FANCA: variants seen among roughly 807,000 people sequenced by gnomAD.
The protein encoded by FANCA is Fanconi anemia group A protein.
A neutral mutation model predicts 194.3 loss-of-function variants in FANCA; 236 were observed. That is an observed-to-expected ratio of 1.21 (90% CI 1.09 to 1.35). The LOEUF (loss-of-function observed/expected upper bound fraction) is 1.35. Ranked by LOEUF, FANCA falls within the 40% of genes most tolerant of loss-of-function variation. FANCA has a pLI of 0.00. For missense variants in FANCA, 2,628 were observed against 1,813.9 expected (o/e 1.45, Z -8.15); for synonymous variants, 1,014 against 715.8 (o/e 1.42, Z -6.65).
rs746911316 is a variant in FANCA at position 89,784,968 on chromosome 16, T to G, written c.1360-4A>C. On this transcript the variant is annotated splice_region_variant and splice_polypyrimidine_tract_variant and intron_variant, in intron 14 of 42. Coordinates refer to ENST00000389301, the MANE Select transcript of FANCA (RefSeq NM_000135.4). Reference sequence around the variant, plus strand: ...CTCGTGTGCTCCCAAAGGAGGCCTGTGTGGAGAGAAGAGCGTGAAGCCCAG... The same window carrying G: ...CTCGTGTGCTCCCAAAGGAGGCCTGGGTGGAGAGAAGAGCGTGAAGCCCAG... The G allele has an allele frequency of 1.2e-6, 2 of 1,609,198 alleles. No individual in the cohort carries two copies.
At chr16:89,785,853 G>GTTTGT (rs1555557052) in intron 14 of FANCA, among the ~76,000 whole-genome samples, 13 of 113,166 alleles carry the variant, frequency 1.1e-4, no homozygotes, top group Non-Finnish European at 1.9e-4. Context: ...GCAAAATTGT[G>GTTTGT]TTTTGTTTTT....
chr16:89,737,754 C>A lies in FANCA; in HGVS notation c.*847G>T. Reference sequence around the variant, plus strand: ...GTTTCACATTGTCATCGTCGTCCCCCCGGGAGGTTGGAGCATCAGGGGCCT... The same window carrying A: ...GTTTCACATTGTCATCGTCGTCCCCACGGGAGGTTGGAGCATCAGGGGCCT... On this transcript the variant is annotated 3_prime_UTR_variant, in exon 43 of 43. Coordinates refer to ENST00000389301, the MANE Select transcript of FANCA (RefSeq NM_000135.4). 1 of 1,610,592 alleles carries A rather than the reference C, an allele frequency of 6.2e-7. No individual in the cohort carries two copies. The highest frequency in any genetic ancestry group is 1.1e-5 in the South Asian group (1 of 90,758).
At chr16:89,782,986 G>T in intron 16 of FANCA, 21 bp downstream of exon 16, 1 of 1,612,078 alleles carries the variant, frequency 6.2e-7, no homozygotes. Flanking sequence ...TGTGAGGAGT[G>T]GGCATGGAGG....
intron 26 of FANCA, among the ~76,000 whole-genome samples, chr16:89,767,668 T>C (rs6500445): frequency 0.52 from 79,472 of 151,942 alleles, 22,883 homozygotes; most frequent in East Asian, 0.98. Flanking sequence ...CCTGCCTCAG[T>C]CTCCCGAGTA....
At chr16:89,747,233 C>G (rs1315492885) in intron 33 of FANCA, among the ~76,000 whole-genome samples, 1 of 152,240 alleles carries the variant, frequency 6.6e-6, no homozygotes, top group South Asian at 2.1e-4. Context: ...CAAGGGCCAA[C>G]CATCCTCTGG....
intron 29 of FANCA, 88 bp downstream of exon 29, chr16:89,761,861 A>G (rs2038963954): frequency 4.8e-6 from 5 of 1,043,684 alleles, no homozygotes; most frequent in Non-Finnish European, 7.6e-6. Context: ...CCTGGATTCA[A>G]GAGATCTCCT....
intron 11 of FANCA, 118 bp downstream of exon 11, chr16:89,795,788 G>C (rs1167786233): frequency 9.2e-6 from 7 of 762,938 alleles, no homozygotes; most frequent in South Asian, 1.4e-5. Flanking sequence ...TCTGGTTCAA[G>C]ACAGACGTAA....
intron 8 of FANCA, among the ~76,000 whole-genome samples, chr16:89,801,032 C>CA (rs59752200): frequency 0.09 from 6,562 of 72,812 alleles, 518 homozygotes; most frequent in African/African-American, 0.23. Flanking sequence ...GACTCCATCT[C>CA]AAAAAAAAAA....
chr16:89,782,870 C>T lies in FANCA; in HGVS notation c.1615G>A (p.Asp539Asn), dbSNP rs2039767633. Reference sequence around the variant, plus strand: ...TCAAGCAACATTACCTCAGTAATGTCCCCAGCTGATGACAAATCCTCGTAG... The same window carrying T: ...TCAAGCAACATTACCTCAGTAATGTTCCCAGCTGATGACAAATCCTCGTAG... ...GLYEDLSSAGDITEPHSQALQ... is the reference protein window; with the variant it reads ...GLYEDLSSAGNITEPHSQALQ... The change falls in exon 17 of 43, where the codon GAC becomes AAC. Residue 539 changes from aspartate to asparagine, a missense_variant. Coordinates refer to ENST00000389301, the MANE Select transcript of FANCA (RefSeq NM_000135.4). 6.2e-7 allele frequency: 1 copy of T among 1,613,842 alleles called. No homozygotes were observed. Among genetic ancestry groups the T allele is most frequent in the Non-Finnish European group, 8.5e-7 (1 of 1,179,714 alleles).
At chr16:89,755,250 G>A (rs893252733) in intron 30 of FANCA, among the ~76,000 whole-genome samples, 3 of 149,850 alleles carry the variant, frequency 2.0e-5, no homozygotes, top group African/African-American at 7.4e-5. Context: ...TCACTCTGTC[G>A]CCCAGGCTGG....
intron 10 of FANCA, chr16:89,798,632 G>A (rs2040329338): frequency 8.5e-7 from 1 of 1,182,722 alleles, no homozygotes; most frequent in Non-Finnish European, 1.1e-6. Context: ...CCACTCCTCA[G>A]CTTCCGCCTC....
chr16:89,768,323 T>C (rs74605393), intron 26 of FANCA, among the ~76,000 whole-genome samples: 4,363 of 152,290 alleles, frequency 0.029, 225 homozygotes, highest in African/African-American at 0.099. Flanking sequence ...GCAATGGAGA[T>C]GTCAAAGCAC....
chr16:89,796,729 A>T (rs187775274), intron 10 of FANCA, among the ~76,000 whole-genome samples: 7 of 152,258 alleles, frequency 4.6e-5, no homozygotes, highest in Non-Finnish European at 7.4e-5. Context: ...CAGGTAAGAA[A>T]ATCAAGGGTC....
At position 89,810,783 on chromosome 16, in the gene FANCA, A is replaced by G; in HGVS notation, c.446T>C (p.Leu149Ser). 1 of 1,613,408 alleles carries G rather than the reference A, an allele frequency of 6.2e-7. No individual in the cohort carries two copies. Among genetic ancestry groups the G allele is most frequent in the Non-Finnish European group, 8.5e-7 (1 of 1,179,274 alleles). ...TGCCAATAAATACTGAGCAAACTCT[A>G]ACAGGGAAGACAGCTTCTTCTGAAA... ...VEQRKKLSSL[L>S]EFAQYLLAHS... The change falls in exon 5 of 43, where the codon TTA becomes TCA. Residue 149 changes from leucine (L) to serine (S), a missense_variant. Coordinates refer to ENST00000389301, the MANE Select transcript of FANCA (RefSeq NM_000135.4).
rs769115368 is a variant in FANCA, at chr16:89,739,137, C to T, written c.4163G>A (p.Gly1388Asp). 2 of 1,614,152 alleles carry T rather than the reference C, an allele frequency of 1.2e-6. No individual in the cohort carries two copies. The change falls in exon 41 of 43, where the codon GGT (glycine) becomes GAT (aspartate). Residue 1388 changes from glycine to aspartate, a missense_variant. Coordinates refer to ENST00000389301, the MANE Select transcript of FANCA (RefSeq NM_000135.4). ...PPAGRSLELK[G>D]QGNPVELITK... is the part of the protein sequence containing the mutation. ...GGGACTGGCCCTTGCACCTGCCTGA[C>T]CCTTGAGCTCCAGGCTCCTGCCAGC...
chr16:89,779,943 AGCTTG>A lies in FANCA; in HGVS notation c.1636_1640del (p.Gln546SerfsTer5). On this transcript the variant is annotated frameshift_variant, in exon 18 of 43. Coordinates refer to ENST00000389301, the MANE Select transcript of FANCA (RefSeq NM_000135.4). LOFTEE classifies it high-confidence loss of function. ...TGATGGCCTTTTCAACATCCTGAAG[AGCTTG>A]GCTGTGGGGCTGGTTCCCATACAGG... 1 of 1,614,148 alleles carries A rather than the reference AGCTTG, an allele frequency of 6.2e-7. No individual in the cohort carries two copies. The highest frequency in any genetic ancestry group is 8.5e-7 in the Non-Finnish European group (1 of 1,180,028).
intron 26 of FANCA, 154 bp downstream of exon 26, chr16:89,769,681 CAG>C: frequency 1.3e-6 from 1 of 785,306 alleles, no homozygotes; most frequent in Non-Finnish European, 2.2e-6. Context: ...AAACAAATGA[CAG>C]ATAAAATTCT....
chr16:89,773,717 C>A (rs1362602156), intron 21 of FANCA, among the ~76,000 whole-genome samples: 1 of 151,310 alleles, frequency 6.6e-6, no homozygotes, highest in Non-Finnish European at 1.5e-5. Context: ...CGAGGGCTGG[C>A]GAGGGTGGGG....
chr16:89,799,432 G>T (rs2143583661), intron 9 of FANCA, among the ~76,000 whole-genome samples, 173 bp downstream of exon 9: 1 of 152,224 alleles, frequency 6.6e-6, no homozygotes, highest in South Asian at 2.1e-4. Context: ...AGATTCATGA[G>T]GTATCCCTTC....
Sources: gnomAD v4.1 joint callset for allele counts (sites outside exome capture counted in the v4.1 genomes callset) on GRCh38, gnomAD v4.1.1 for gene constraint, MANE v1.5 for transcripts, NCBI Gene and HGNC (gene_info 2026-07-23, HGNC 2026-07-21) for gene names.